Variants in GRIN2B observed in about 807,000 individuals in gnomAD.
GRIN2B encodes the protein glutamate ionotropic receptor NMDA type subunit 2B.
A neutral mutation model predicts 114.5 loss-of-function variants in GRIN2B; 5 were observed. That is an observed-to-expected ratio of 0.04 (90% confidence interval 0.02 to 0.09). The LOEUF (loss-of-function observed/expected upper bound fraction) is 0.09. Among genes scored for constraint, GRIN2B ranks in the 10% least tolerant of loss-of-function variants. The pLI, the probability that GRIN2B is intolerant of heterozygous loss-of-function variation, is 1.00. For synonymous variants in GRIN2B, 787 were observed against 745.1 expected, an observed-to-expected ratio of 1.06 and a Z score of -0.92; for missense variants, 1,108 against 1,943.5, an observed-to-expected ratio of 0.57 and a Z score of 8.08.
intron 2 of GRIN2B, among the ~76,000 whole-genome samples, chr12:13,878,762 C>A (rs554251596): frequency 1.3e-5 from 2 of 152,294 alleles, no homozygotes; most frequent in East Asian, 3.9e-4. Context: ...GGTGCCTGGT[C>A]CTCAGCAAAG....
chr12:13,596,648 C>T (rs1036313578), intron 10 of GRIN2B, among the ~76,000 whole-genome samples: 1 of 152,210 alleles, frequency 6.6e-6, no homozygotes, highest in African/African-American at 2.4e-5. Context: ...AAACATGACA[C>T]CCAATAATAT....
In GRIN2B at chr12:13,605,568, C is replaced by CTG. The variant is rs1279582550; in HGVS notation, c.2010+3034_2010+3035insCA. Among the ~76,000 whole-genome samples, 261 of 151,032 alleles carry CTG rather than the reference C, an allele frequency of 1.7e-3. 1 individual carries two copies. The highest frequency in any genetic ancestry group is 6.1e-3 in the African/African-American group (249 of 41,060). On this transcript the variant is annotated intron_variant, in intron 10 of 13. Coordinates refer to ENST00000609686, the MANE Select transcript of GRIN2B (RefSeq NM_000834.5). The stretch of plus-strand genomic sequence containing the variant: ...TCTCTCTCTGACACACACACACACA[C>CTG]ACACACACACACACACCTGTCTTCA...
chr12:13,927,866 C>T (rs1476613872), intron 2 of GRIN2B, among the ~76,000 whole-genome samples: 9 of 146,382 alleles, frequency 6.1e-5, no homozygotes, highest in Admixed American at 1.4e-4. Flanking sequence ...ATTCAGGAGG[C>T]TGAGGTGGGA....
chr12:13,864,036 C>T (rs571878330), intron 3 of GRIN2B, among the ~76,000 whole-genome samples: 6 of 152,338 alleles, frequency 3.9e-5, no homozygotes, highest in Admixed American at 6.5e-5. Context: ...CACAACTCAA[C>T]GGGTTCTGCC....
At chr12:13,664,693 T>A (rs1949957492) in intron 5 of GRIN2B, among the ~76,000 whole-genome samples, 1 of 152,202 alleles carries the variant, frequency 6.6e-6, no homozygotes, top group Non-Finnish European at 1.5e-5. Context: ...ATACTTTTTT[T>A]TAACTTAATT....
At position 13,825,496 on chromosome 12, in the gene GRIN2B, T is replaced by TTTTTTTTTTTGTG. The variant is rs375940899; in HGVS notation, c.411+40301_411+40302insCACAAAAAAAAAA. On this transcript the variant is annotated intron_variant, in intron 3 of 13. Coordinates refer to ENST00000609686, the MANE Select transcript of GRIN2B (RefSeq NM_000834.5). ...TATATATAATAAATATATATATATT[T>TTTTTTTTTTTGTG]TGTGTGTGTGTGTGTGTGTGTGTGT... is the stretch of plus-strand genomic sequence containing the variant. 2.2e-4 allele frequency among the ~76,000 whole-genome samples: 27 copies of TTTTTTTTTTTGTG among 122,968 alleles called. No individual in the cohort carries two copies. The South Asian group carries it at 2.9e-3, about 13-fold the overall frequency. 80.7% of individuals were successfully genotyped at this position (122,968 alleles called of 152,430 possible). A position where few individuals can be genotyped will look rare whatever the true frequency, so the allele number is the denominator to read the frequency against.
chr12:13,843,340 G>A (rs1387578765), intron 3 of GRIN2B, among the ~76,000 whole-genome samples: 2 of 151,858 alleles, frequency 1.3e-5, no homozygotes, highest in Non-Finnish European at 1.5e-5. Flanking sequence ...AACTGTGTCT[G>A]CATCAAGTAC....
intron 4 of GRIN2B, among the ~76,000 whole-genome samples, chr12:13,699,372 G>T (rs1355546803): frequency 2.6e-5 from 4 of 152,104 alleles, no homozygotes; most frequent in African/African-American, 9.7e-5. Flanking sequence ...CAGTAAGCAA[G>T]CTTGGAACTT....
intron 4 of GRIN2B, among the ~76,000 whole-genome samples, chr12:13,713,662 G>A (rs1950432722): frequency 6.6e-6 from 1 of 150,760 alleles, no homozygotes; most frequent in East Asian, 2.0e-4. Flanking sequence ...CTCAGAATCT[G>A]GTTGTTATTT....
chr12:13,707,632 G>A (rs1456557149), intron 4 of GRIN2B, among the ~76,000 whole-genome samples: 2 of 152,044 alleles, frequency 1.3e-5, no homozygotes, highest in Non-Finnish European at 2.9e-5. Context: ...CAGATCTCTT[G>A]CACCAGTGAA....
chr12:13,888,369 G>A (rs1383557605), intron 2 of GRIN2B, among the ~76,000 whole-genome samples: 1 of 151,594 alleles, frequency 6.6e-6, no homozygotes, highest in Non-Finnish European at 1.5e-5. Flanking sequence ...TAACACGATG[G>A]TAAGTATTTG....
chr12:13,580,704 T>A (rs1466340322), intron 10 of GRIN2B, among the ~76,000 whole-genome samples: 1 of 152,226 alleles, frequency 6.6e-6, no homozygotes, highest in East Asian at 1.9e-4. Context: ...ATTTTAATAG[T>A]ACTTTTAAAT....
intron 2 of GRIN2B, among the ~76,000 whole-genome samples, chr12:13,879,134 T>A (rs1866033105): frequency 1.3e-5 from 2 of 152,204 alleles, no homozygotes; most frequent in African/African-American, 4.8e-5. Flanking sequence ...GACAGAGCTA[T>A]GTCCTAAGAA....
chr12:13,721,773 A>C (rs1183667112), intron 4 of GRIN2B, among the ~76,000 whole-genome samples: 2 of 152,120 alleles, frequency 1.3e-5, no homozygotes, highest in Non-Finnish European at 2.9e-5. Context: ...GCCATAGACC[A>C]GATGAAGTCA....
intron 2 of GRIN2B, among the ~76,000 whole-genome samples, chr12:13,902,033 G>A (rs1047940972): frequency 6.6e-6 from 1 of 152,042 alleles, no homozygotes; most frequent in Non-Finnish European, 1.5e-5. Flanking sequence ...TGTTTTGGAA[G>A]TTTTCTATTC....
intron 5 of GRIN2B, among the ~76,000 whole-genome samples, chr12:13,626,073 C>A (rs910333492): frequency 1.3e-5 from 2 of 152,170 alleles, no homozygotes; most frequent in Non-Finnish European, 2.9e-5. Flanking sequence ...TCCTCAGAGT[C>A]CTATTCTTAG....
intron 4 of GRIN2B, among the ~76,000 whole-genome samples, chr12:13,752,662 C>T (rs111758809): frequency 1.5e-3 from 235 of 152,278 alleles, no homozygotes; most frequent in African/African-American, 5.5e-3. Flanking sequence ...TGAGGGCTTG[C>T]CAAACAAACC....
At chr12:13,727,886 T>C (rs902378936) in intron 4 of GRIN2B, among the ~76,000 whole-genome samples, 13 of 152,218 alleles carry the variant, frequency 8.5e-5, no homozygotes, top group Non-Finnish European at 1.6e-4. Flanking sequence ...ATAAAGGAGA[T>C]ACTGTGAGTC....
chr12:13,949,231 G>A (rs900278588), intron 2 of GRIN2B, among the ~76,000 whole-genome samples: 3 of 152,112 alleles, frequency 2.0e-5, no homozygotes, highest in Admixed American at 2.0e-4. Context: ...ATTTCAGCCT[G>A]GACAGCAAGC....
Sources: allele counts gnomAD v4.1 joint callset (sites outside exome capture counted in the v4.1 genomes callset), GRCh38; gene constraint gnomAD v4.1.1; transcripts MANE v1.5; gene names NCBI Gene and HGNC (gene_info 2026-07-23, HGNC 2026-07-21).